UNC13A: variants seen among roughly 807,000 people sequenced by gnomAD.
UNC13A encodes the protein unc-13 homolog A.
UNC13A carries 61 observed loss-of-function variants against 219.7 expected under a neutral mutation model. The ratio of observed to expected loss-of-function variants is 0.28; its 90% CI spans 0.23 to 0.34. The LOEUF (loss-of-function observed/expected upper bound fraction) is 0.34. Ranked by LOEUF, UNC13A falls within the 10% of genes least tolerant of loss-of-function variation. The pLI is 1.00. For missense variants in UNC13A, 1,476 were observed against 2,270.3 expected, an observed-to-expected ratio of 0.65 and a Z score of 7.11; for synonymous variants, 920 against 884.6, an observed-to-expected ratio of 1.04 and a Z score of -0.71.
chr19:17,608,075 C>T (rs1341391021), intron 43 of UNC13A, among the ~76,000 whole-genome samples: 1 of 149,082 alleles, frequency 6.7e-6, no homozygotes, highest in African/African-American at 2.5e-5. Flanking sequence ...TTTTTTGAGT[C>T]TCACTCTGTA....
chr19:17,653,274 C>T (rs1006405094), intron 11 of UNC13A, among the ~76,000 whole-genome samples: 2 of 151,932 alleles, frequency 1.3e-5, no homozygotes, highest in African/African-American at 4.8e-5. Context: ...CCTGCTTCAG[C>T]CTCCTGAGTA....
rs1452795413 is a variant in UNC13A, at chr19:17,656,139, C to T, written c.1027G>A (p.Glu343Lys). 4 of 1,552,102 alleles carry T rather than the reference C, an allele frequency of 2.6e-6. No homozygotes were observed. Among genetic ancestry groups the T allele is most frequent in the Non-Finnish European group, 3.5e-6 (4 of 1,147,074 alleles). ...ACCTCCTCCTCCTCCTCCTCCAGCT[C>T]CTCCTCATCTTCAGGCAGCTCCTCC... ...EEEELPEDEEELEEEEEEVPD... is the reference protein window; with the variant it reads ...EEEELPEDEEKLEEEEEEVPD... Residue 343 changes from glutamate (E) to lysine (K), a missense_variant, in exon 10 of 44, where the codon GAG becomes AAG. By Grantham distance (56) the Glu-to-Lys change is moderately conservative. Around this residue, in one of 14 missense-constraint regions of UNC13A, gnomAD observed 351 missense variants for 342.6 expected, o/e 1.02. Coordinates refer to ENST00000519716, the MANE Select transcript of UNC13A (RefSeq NM_001080421.3).
At position 17,648,642 on chromosome 19, in the gene UNC13A, G is replaced by A. The variant is rs2079287341; in HGVS notation, c.1605C>T (p.His535=). Residue 535 remains histidine (H), a synonymous_variant, in exon 16 of 44, where the codon CAC becomes CAT. Coordinates refer to ENST00000519716, the MANE Select transcript of UNC13A (RefSeq NM_001080421.3). ...STLNNEELKN[H]VYKKTLQALI... The stretch of plus-strand genomic sequence containing the variant: ...AGGCTTGCAGGGTCTTCTTGTAAAC[G>A]TGGTTTTTCTGCAGGGAGGGATGGG... 1 of 1,604,290 alleles carries A rather than the reference G, an allele frequency of 6.2e-7. No individual in the cohort carries two copies. Among genetic ancestry groups the A allele is most frequent in the Non-Finnish European group, 8.5e-7 (1 of 1,172,652 alleles).
At chr19:17,608,367 A>T (rs1031653075) in intron 43 of UNC13A, among the ~76,000 whole-genome samples, 1 of 116,550 alleles carries the variant, frequency 8.6e-6, no homozygotes, top group Non-Finnish European at 1.7e-5. Context: ...ATAAATATAT[A>T]TTATATATGT....
At chr19:17,688,023 G>A (rs899254665) in intron 1 of UNC13A, among the ~76,000 whole-genome samples, 155 bp downstream of exon 1, 3 of 149,292 alleles carry the variant, frequency 2.0e-5, no homozygotes, top group Non-Finnish European at 4.4e-5. Flanking sequence ...ACCCCCTCCG[G>A]GGCCCAGCTG....
intron 16 of UNC13A, 39 bp downstream of exon 16, chr19:17,648,392 A>C (rs779059047): frequency 3.2e-5 from 36 of 1,128,100 alleles, no homozygotes; most frequent in Non-Finnish European, 4.0e-5. Context: ...GGGGCTCCCC[A>C]CGCCAACCCG....
chr19:17,679,273 G>A (rs1042338867), intron 1 of UNC13A, among the ~76,000 whole-genome samples: 26 of 151,952 alleles, frequency 1.7e-4, no homozygotes, highest in African/African-American at 5.1e-4. Context: ...GATGGTGCAC[G>A]CCTGTAGTCC....
At chr19:17,645,194 A>T (rs920772635) in intron 19 of UNC13A, among the ~76,000 whole-genome samples, 1 of 151,282 alleles carries the variant, frequency 6.6e-6, no homozygotes, top group Non-Finnish European at 1.5e-5. Context: ...TTTTTAGTGG[A>T]GACGGGGTTT....
intron 11 of UNC13A, 109 bp downstream of exon 11, chr19:17,655,165 T>A: frequency 2.3e-6 from 2 of 859,660 alleles, no homozygotes; most frequent in South Asian, 2.9e-5. Flanking sequence ...ACGGGTGGGG[T>A]GTTGGGCGTG....
intron 1 of UNC13A, among the ~76,000 whole-genome samples, chr19:17,678,907 G>A (rs1048849967): frequency 1.3e-5 from 2 of 152,042 alleles, no homozygotes; most frequent in African/African-American, 4.8e-5. Context: ...AGAAATGATG[G>A]GCATGAAAGC....
rs1302314396 is a variant in UNC13A, at chr19:17,662,245, C to A, written c.559+1287G>T. ...TGGGCAACAGAGCAAGACTCTGTTTCAAAAAAAAAAAAAGATTCTCACGGG... is the reference window on the plus strand; with the variant it reads ...TGGGCAACAGAGCAAGACTCTGTTTAAAAAAAAAAAAAAGATTCTCACGGG... On this transcript the variant is annotated intron_variant, in intron 8 of 43. Coordinates refer to ENST00000519716, the MANE Select transcript of UNC13A (RefSeq NM_001080421.3). Among the ~76,000 whole-genome samples the A allele has an allele frequency of 2.0e-3, 269 of 136,252 alleles. 1 individual carries two copies. Among genetic ancestry groups the A allele is most frequent in the African/African-American group, 6.6e-3 (246 of 37,284 alleles). The allele number at this position is 136,252 out of a possible 152,430, so 89.4% of individuals were successfully genotyped here. A position where few individuals can be genotyped will look rare whatever the true frequency, so the allele number is the denominator to read the frequency against.
At chr19:17,630,550 T>G (rs541215364) in intron 29 of UNC13A, 104 bp downstream of exon 29, 17 of 1,281,748 alleles carry the variant, frequency 1.3e-5, no homozygotes, top group Non-Finnish European at 1.9e-5. Context: ...AAGACAAAGA[T>G]GGCGGACACC....
rs757495156 is a variant in UNC13A, at chr19:17,658,122, C to T, written c.707G>A (p.Arg236Gln). 5.0e-6 allele frequency: 8 copies of T among 1,613,650 alleles called. No individual in the cohort carries two copies. Among genetic ancestry groups the T allele is most frequent in the South Asian group, 4.4e-5 (4 of 91,064 alleles). Residue 236 changes from arginine to glutamine, a missense_variant, in exon 9 of 44, where the codon CGG becomes CAG. Arg to Gln is a conservative substitution (Grantham distance 43). Around this residue, in one of 14 missense-constraint regions of UNC13A, gnomAD observed 351 missense variants for 342.6 expected, o/e 1.02. Coordinates refer to ENST00000519716, the MANE Select transcript of UNC13A (RefSeq NM_001080421.3). ...YSVRPPPLGS[R>Q]ESYSDSMHSY... ...GTGCATGGAGTCACTGTAGGACTCC[C>T]GGGAGCCCAGGGGTGGTGGGCGAAC... is the stretch of plus-strand genomic sequence containing the variant.
intron 28 of UNC13A, among the ~76,000 whole-genome samples, 152 bp from the exon 29 acceptor site, chr19:17,630,902 G>T (rs900372998): frequency 2.0e-5 from 3 of 152,036 alleles, no homozygotes; most frequent in African/African-American, 7.2e-5. Flanking sequence ...TCCTCTGCTC[G>T]CCTCCTGCAC....
At chr19:17,628,153 G>A (rs1220195861) in intron 31 of UNC13A, 1 of 561,966 alleles carries the variant, frequency 1.8e-6, no homozygotes, top group Non-Finnish European at 3.2e-6. Flanking sequence ...TGGGGGCAAG[G>A]AGGACTCAAG....
chr19:17,631,216 CTTCCTTCT>C (rs2076850333), intron 28 of UNC13A, among the ~76,000 whole-genome samples: 1 of 52,034 alleles, frequency 1.9e-5, no homozygotes, highest in African/African-American at 7.6e-5. Context: ...TCCTTCCTTC[CTTCCTTCT>C]TCCTTCCTTC....
chr19:17,647,870 C>G lies in UNC13A; in HGVS notation c.1817-378G>C, dbSNP rs557762309. ...CTCTGAGTCCCACCCCTCTGAGTCC[C>G]GCTGCCTCTCTGAGCCCCACTCCTC... On this transcript the variant is annotated intron_variant, in intron 16 of 43. Coordinates refer to ENST00000519716, the MANE Select transcript of UNC13A (RefSeq NM_001080421.3). Among the ~76,000 whole-genome samples, 923 of 144,234 alleles carry G rather than the reference C, an allele frequency of 6.4e-3. 23 individuals carry two copies. Among genetic ancestry groups the G allele is most frequent in the African/African-American group, 0.023 (882 of 38,304 alleles). The allele number at this position is 144,234 out of a possible 152,430, so 94.6% of individuals were successfully genotyped here.
At chr19:17,650,343 GTC>G (rs2079320987) in intron 12 of UNC13A, among the ~76,000 whole-genome samples, 2 of 151,406 alleles carry the variant, frequency 1.3e-5, no homozygotes, top group South Asian at 4.2e-4. Context: ...GTGAAACCCC[GTC>G]TCTACTAAAA....
chr19:17,662,302 C>T (rs1001378628), intron 8 of UNC13A, among the ~76,000 whole-genome samples: 7 of 151,834 alleles, frequency 4.6e-5, no homozygotes, highest in Non-Finnish European at 5.9e-5. Context: ...TGTGCATGTG[C>T]GGGATCTAGG....
Sources: allele counts gnomAD v4.1 joint callset (sites outside exome capture counted in the v4.1 genomes callset), GRCh38; gene constraint gnomAD v4.1.1; regional missense constraint gnomAD v4.1.1; transcripts MANE v1.5; gene names NCBI Gene and HGNC (gene_info 2026-07-23, HGNC 2026-07-21).